Variants in LHFPL6 observed in about 807,000 individuals in gnomAD.
The protein encoded by LHFPL6 is LHFPL tetraspan subfamily member 6.
A neutral mutation model predicts 20.6 loss-of-function variants in LHFPL6; 9 were observed. That is an observed-to-expected ratio of 0.44 (90% CI 0.26 to 0.76). The LOEUF (loss-of-function observed/expected upper bound fraction) is 0.76, where lower values mean the gene tolerates loss of function less well. Ranked by LOEUF, LHFPL6 falls within the 30% of genes least tolerant of loss-of-function variation. The probability of loss-of-function intolerance (pLI) is 0.20; values close to 1 mark genes in which losing one functional copy is unlikely to be tolerated. For missense variants in LHFPL6, 218 were observed against 253.5 expected (o/e 0.86, Z 0.95); for synonymous variants, 105 against 98.7 (o/e 1.06, Z -0.38).
intron 2 of LHFPL6, among the ~76,000 whole-genome samples, chr13:39,588,477 G>C (rs1480447832): frequency 2.0e-5 from 3 of 152,204 alleles, no homozygotes; most frequent in Non-Finnish European, 4.4e-5. Context: ...AAATAAGTTT[G>C]TGAAACAAAG....
chr13:39,564,968 A>G (rs1254100002), intron 2 of LHFPL6, among the ~76,000 whole-genome samples: 1 of 152,228 alleles, frequency 6.6e-6, no homozygotes, highest in Non-Finnish European at 1.5e-5. Flanking sequence ...GCAACAAATC[A>G]AAGATTGTAT....
At chr13:39,352,253 G>A (rs1466782160) in intron 3 of LHFPL6, among the ~76,000 whole-genome samples, 2 of 152,152 alleles carry the variant, frequency 1.3e-5, no homozygotes, top group African/African-American at 4.8e-5. Flanking sequence ...GAATGTTTTT[G>A]ACCCTACCTT....
At chr13:39,346,503 G>A (rs1869403814) in intron 3 of LHFPL6, among the ~76,000 whole-genome samples, 1 of 152,128 alleles carries the variant, frequency 6.6e-6, no homozygotes, top group Non-Finnish European at 1.5e-5. Flanking sequence ...TCATCTTTCA[G>A]AAGGGAAGAC....
intron 3 of LHFPL6, among the ~76,000 whole-genome samples, chr13:39,345,337 A>G (rs1001529064): frequency 6.6e-6 from 1 of 151,640 alleles, no homozygotes; most frequent in South Asian, 2.1e-4. Flanking sequence ...ACATGGCAAA[A>G]CCCCGTCTCT....
chr13:39,527,506 GAA>G (rs370726805), intron 2 of LHFPL6, among the ~76,000 whole-genome samples: 6 of 101,904 alleles, frequency 5.9e-5, no homozygotes, highest in East Asian at 2.7e-4. Context: ...CTGTTGTCCA[GAA>G]AAAAAAAAAA....
At chr13:39,542,188 G>A (rs964601825) in intron 2 of LHFPL6, among the ~76,000 whole-genome samples, 1 of 151,582 alleles carries the variant, frequency 6.6e-6, no homozygotes, top group African/African-American at 2.4e-5. Context: ...CTGAACAGAA[G>A]GAAGGATTAG....
intron 2 of LHFPL6, among the ~76,000 whole-genome samples, chr13:39,475,814 T>G (rs746244614): frequency 6.6e-6 from 1 of 152,066 alleles, no homozygotes; most frequent in Non-Finnish European, 1.5e-5. Context: ...GTAAAAAGTC[T>G]AAGGATCACT....
intron 2 of LHFPL6, among the ~76,000 whole-genome samples, chr13:39,501,068 T>A (rs1476939535): frequency 6.6e-6 from 1 of 152,206 alleles, no homozygotes; most frequent in Non-Finnish European, 1.5e-5. Context: ...TCTCATCCTT[T>A]CCTCTATCTT....
In LHFPL6 at chr13:39,553,668, C is replaced by T. The variant is rs970110811; in HGVS notation, c.385+47164G>A. Among the ~76,000 whole-genome samples, 5 of 152,266 alleles carry T rather than the reference C, an allele frequency of 3.3e-5. No homozygotes were observed. The South Asian group carries it at 6.2e-4, about 19-fold the overall frequency. On this transcript the variant is annotated intron_variant, in intron 2 of 3. Transcript: ENST00000379589. The stretch of plus-strand genomic sequence containing the variant: ...GTGAGGCTGCAGTGAACTATGATTG[C>T]GCCACTGCGCTACAGCCTGGGTGAC...
At chr13:39,420,797 G>C (rs1322115559) in intron 2 of LHFPL6, among the ~76,000 whole-genome samples, 1 of 152,174 alleles carries the variant, frequency 6.6e-6, no homozygotes, top group African/African-American at 2.4e-5. Context: ...AACAACAACA[G>C]TAGCAAGATA....
intron 2 of LHFPL6, among the ~76,000 whole-genome samples, chr13:39,576,820 T>C (rs1872131904): frequency 6.6e-6 from 1 of 152,094 alleles, no homozygotes; most frequent in Admixed American, 6.5e-5. Flanking sequence ...ATTTTTTTTC[T>C]AGAGACAATG....
chr13:39,557,451 T>A (rs1002511939), intron 2 of LHFPL6, among the ~76,000 whole-genome samples: 1 of 152,208 alleles, frequency 6.6e-6, no homozygotes, highest in African/African-American at 2.4e-5. Context: ...CAGCCTCTAC[T>A]AGGGCAGTGT....
intron 2 of LHFPL6, among the ~76,000 whole-genome samples, chr13:39,534,777 C>T (rs991819544): frequency 2.6e-5 from 4 of 152,110 alleles, no homozygotes; most frequent in African/African-American, 9.7e-5. Context: ...CATATCTATG[C>T]ATTACCAATT....
At chr13:39,504,040 T>C (rs2138466751) in intron 2 of LHFPL6, among the ~76,000 whole-genome samples, 1 of 152,340 alleles carries the variant, frequency 6.6e-6, no homozygotes, top group Non-Finnish European at 1.5e-5. Context: ...GTGCCATCAC[T>C]TTTAATGGCA....
chr13:39,460,075 C>G (rs1418855281), intron 2 of LHFPL6, among the ~76,000 whole-genome samples: 1 of 151,420 alleles, frequency 6.6e-6, no homozygotes. Flanking sequence ...TAATTAATGC[C>G]TTGAATATCT....
intron 2 of LHFPL6, among the ~76,000 whole-genome samples, chr13:39,524,500 G>A (rs960715034): frequency 1.3e-5 from 2 of 152,188 alleles, no homozygotes; most frequent in Admixed American, 6.5e-5. Context: ...TGGCTCAAAG[G>A]CTCACTGAAA....
chr13:39,394,531 A>G (rs1228554340), intron 2 of LHFPL6, among the ~76,000 whole-genome samples: 2 of 152,238 alleles, frequency 1.3e-5, no homozygotes, highest in African/African-American at 4.8e-5. Context: ...ATCAAAGAGT[A>G]GTGAACTCAT....
chr13:39,506,502 T>C (rs1386167617), intron 2 of LHFPL6, among the ~76,000 whole-genome samples: 1 of 152,256 alleles, frequency 6.6e-6, no homozygotes, highest in Non-Finnish European at 1.5e-5. Context: ...CAGGCTAGGA[T>C]GATGATCCAC....
intron 2 of LHFPL6, among the ~76,000 whole-genome samples, chr13:39,468,495 G>A (rs993005877): frequency 1.3e-5 from 2 of 152,078 alleles, no homozygotes; most frequent in Non-Finnish European, 2.9e-5. Context: ...AAAAAATGCT[G>A]GCTGATTTTT....
Sources: gnomAD v4.1 joint callset for allele counts (sites outside exome capture counted in the v4.1 genomes callset) on GRCh38, gnomAD v4.1.1 for gene constraint, MANE v1.5 for transcripts, NCBI Gene and HGNC (gene_info 2026-07-23, HGNC 2026-07-21) for gene names.